CYP4F22: variants seen among roughly 807,000 people sequenced by gnomAD.
The protein encoded by CYP4F22 is ultra-long-chain fatty acid omega-hydroxylase.
In CYP4F22, 37 loss-of-function variants were observed where a neutral mutation model predicts 60.4. The ratio of observed to expected loss-of-function variants is 0.61; its 90% CI spans 0.47 to 0.81. The LOEUF (loss-of-function observed/expected upper bound fraction) is 0.81, where lower values mean the gene tolerates loss of function less well. Ranked by LOEUF, CYP4F22 falls within the 30% of genes least tolerant of loss-of-function variation. The probability of loss-of-function intolerance (pLI) is 0.00; values close to 1 mark genes in which losing one functional copy is unlikely to be tolerated. For missense variants in CYP4F22, 655 were observed against 715.0 expected (o/e 0.92, Z 0.96); for synonymous variants, 258 against 280.5 (o/e 0.92, Z 0.80).
At chr19:15,538,179 G>T (rs1366418504) in intron 7 of CYP4F22, among the ~76,000 whole-genome samples, 186 bp downstream of exon 7, 2 of 152,034 alleles carry the variant, frequency 1.3e-5, no homozygotes, top group South Asian at 4.2e-4. Flanking sequence ...CAAAAAAATG[G>T]GCATCATAAT....
At chr19:15,542,452 G>A (rs909848467) in intron 8 of CYP4F22, among the ~76,000 whole-genome samples, 3 of 152,046 alleles carry the variant, frequency 2.0e-5, no homozygotes, top group Non-Finnish European at 4.4e-5. Context: ...CAGGAGAATC[G>A]CTTGAACCCT....
intron 11 of CYP4F22, among the ~76,000 whole-genome samples, chr19:15,548,487 G>T (rs1971559054): frequency 6.6e-6 from 1 of 152,178 alleles, no homozygotes; most frequent in Non-Finnish European, 1.5e-5. Context: ...TGAGGGTGCA[G>T]TTGGGGAGGG....
rs376621673 is a variant in CYP4F22, at chr19:15,529,197, C to T, written c.223-512C>T. ...AGGCTGGAGTGCAATGGCATGATCT[C>T]GGCTCACTGCAACCTCTGCCTCCTG... On this transcript the variant is annotated intron_variant, in intron 3 of 13. Coordinates refer to ENST00000269703, the MANE Select transcript of CYP4F22 (RefSeq NM_173483.4). Among the ~76,000 whole-genome samples, 106 of 151,432 alleles carry T rather than the reference C, an allele frequency of 7.0e-4. 1 individual carries two copies. The South Asian group carries it at 0.019, about 28-fold the overall frequency.
chr19:15,544,325 G>A lies in CYP4F22; in HGVS notation c.1136+46G>A, dbSNP rs369162487. 2.5e-5 allele frequency: 40 copies of A among 1,592,206 alleles called. No individual in the cohort carries two copies. The African/African-American group carries it at 4.8e-4, about 19-fold the overall frequency. ...ATGGAGGGGGCAGGTTGAGGCCAGA[G>A]CCTTGGGTGTAAGCCTCTGCTCTCC... On this transcript the variant is annotated intron_variant, in intron 10 of 13. Coordinates refer to ENST00000269703, the MANE Select transcript of CYP4F22 (RefSeq NM_173483.4).
At chr19:15,524,429 C>A (rs1271222866) in intron 2 of CYP4F22, among the ~76,000 whole-genome samples, 1 of 152,056 alleles carries the variant, frequency 6.6e-6, no homozygotes, top group Non-Finnish European at 1.5e-5. Context: ...GCGGGAGGAT[C>A]GCTTGAGCCC....
chr19:15,546,002 T>G (rs1341816892), intron 10 of CYP4F22, among the ~76,000 whole-genome samples: 1 of 151,398 alleles, frequency 6.6e-6, no homozygotes, highest in Non-Finnish European at 1.5e-5. Context: ...ATGAAGTTTA[T>G]TTTTTTTTAA....
At chr19:15,533,570 G>A (rs1308271406) in intron 4 of CYP4F22, among the ~76,000 whole-genome samples, 7 of 142,670 alleles carry the variant, frequency 4.9e-5, no homozygotes, top group Non-Finnish European at 9.2e-5. Flanking sequence ...CATTCACGTT[G>A]TAGTAGGAAT....
In CYP4F22 at chr19:15,540,441, C is replaced by G; in HGVS notation, c.672-9C>G. The G allele has an allele frequency of 6.2e-7, 1 of 1,614,148 alleles. No homozygotes were observed. The highest frequency in any genetic ancestry group is 2.2e-5 in the East Asian group (1 of 44,890). ...GGGCTACACTCATGGATCCCCTTCTCCTTGGCAGGAAGATGAGTGATTATA... is the reference window on the plus strand; with the variant it reads ...GGGCTACACTCATGGATCCCCTTCTGCTTGGCAGGAAGATGAGTGATTATA... On this transcript the variant is annotated splice_polypyrimidine_tract_variant and intron_variant, in intron 7 of 13. Coordinates refer to ENST00000269703, the MANE Select transcript of CYP4F22 (RefSeq NM_173483.4).
chr19:15,509,885 C>CT (rs1210119534), intron 1 of CYP4F22, among the ~76,000 whole-genome samples: 85 of 114,712 alleles, frequency 7.4e-4, no homozygotes, highest in East Asian at 2.7e-3. Flanking sequence ...TCCTTCCTTC[C>CT]TTCCTTCCTT....
intron 4 of CYP4F22, among the ~76,000 whole-genome samples, chr19:15,533,428 C>T (rs560764634): frequency 2.6e-5 from 4 of 152,188 alleles, no homozygotes; most frequent in South Asian, 2.1e-4. Flanking sequence ...TCCTCCCATC[C>T]GCTGGTAACC....
chr19:15,538,025 C>T, intron 7 of CYP4F22, 32 bp downstream of exon 7: 2 of 1,613,630 alleles, frequency 1.2e-6, no homozygotes, highest in Non-Finnish European at 1.7e-6. Flanking sequence ...AAGATGGAGC[C>T]AGCTGCTCTA....
chr19:15,526,407 T>C (rs1450056284), intron 3 of CYP4F22, among the ~76,000 whole-genome samples: 1 of 152,230 alleles, frequency 6.6e-6, no homozygotes, highest in African/African-American at 2.4e-5. Flanking sequence ...TTGCCTAGGC[T>C]GATCTTGAAC....
At chr19:15,510,285 C>T (rs561859468) in intron 1 of CYP4F22, among the ~76,000 whole-genome samples, 77 of 152,226 alleles carry the variant, frequency 5.1e-4, no homozygotes, top group African/African-American at 1.8e-3. Context: ...CCTGACTCAT[C>T]TCTCCTTGTT....
intron 7 of CYP4F22, among the ~76,000 whole-genome samples, chr19:15,538,724 T>A (rs747122840): frequency 1.4e-4 from 22 of 152,200 alleles, no homozygotes; most frequent in Admixed American, 9.8e-4. Context: ...TAGGGGCACG[T>A]TCCAGTTGGA....
In CYP4F22 at chr19:15,549,125, TC is replaced by T; in HGVS notation, c.1271-12del. Reference sequence around the variant, plus strand: ...GCTCCCCTTGGCCCCACTGATCCCATCTTTCCCCACAGGAATCATCTGCTTG... The same window carrying T: ...GCTCCCCTTGGCCCCACTGATCCCATTTTCCCCACAGGAATCATCTGCTTG... On this transcript the variant is annotated splice_polypyrimidine_tract_variant and intron_variant, in intron 11 of 13. Coordinates refer to ENST00000269703, the MANE Select transcript of CYP4F22 (RefSeq NM_173483.4). The T allele has an allele frequency of 6.2e-7, 1 of 1,613,944 alleles. No homozygotes were observed. The highest frequency in any genetic ancestry group is 8.5e-7 in the Non-Finnish European group (1 of 1,179,966).
At chr19:15,535,733 T>A (rs1222569804) in intron 4 of CYP4F22, among the ~76,000 whole-genome samples, 1 of 152,190 alleles carries the variant, frequency 6.6e-6, no homozygotes. Flanking sequence ...TATTTATCCA[T>A]CCATGTACTC....
chr19:15,537,878 T>G lies in CYP4F22; in HGVS notation c.556T>G (p.Trp186Gly), dbSNP rs1200443014. ...CCATGTATCTCTCTTCCAGGCTAAA[T>G]GGCGGCATCTGGCAGAGGGCTCAGC... Reference protein sequence around the residue: ...NQSADIMHAKWRHLAEGSAVS... With the variant: ...NQSADIMHAKGRHLAEGSAVS... Residue 186 changes from tryptophan to glycine, a missense_variant, in exon 7 of 14, where the codon TGG becomes GGG. Physicochemically the swap from Trp to Gly is radical, Grantham distance 184. This residue lies in a region of CYP4F22 where 430 missense variants were observed against 457.1 expected (regional missense o/e 0.94). Transcript: ENST00000269703. 3.1e-6 allele frequency: 5 copies of G among 1,613,788 alleles called. No homozygotes were observed. In the Admixed American group the frequency reaches 8.3e-5, roughly 27 times the overall value.
chr19:15,540,709 C>G lies in CYP4F22; in HGVS notation c.931C>G (p.Leu311Val). ...KTLDFIDVLL[L>V]ARDEDGKELS... ...CTTGGACTTTATTGATGTGCTGCTC[C>G]TGGCCAGGGTGAGGCTGGGCCCCCT... Residue 311 changes from leucine to valine, a missense_variant, in exon 8 of 14, where the codon CTG becomes GTG. Around this residue, in one of 3 missense-constraint regions of CYP4F22, gnomAD observed 430 missense variants for 457.1 expected, o/e 0.94. Transcript: ENST00000269703. The G allele has an allele frequency of 6.3e-7, 1 of 1,584,254 alleles. No homozygotes were observed. The highest frequency in any genetic ancestry group is 1.8e-4 in the Middle Eastern group (1 of 5,666).
chr19:15,547,018 G>GCTTTTTTT (rs1971533587), intron 10 of CYP4F22, among the ~76,000 whole-genome samples: 1 of 82,330 alleles, frequency 1.2e-5, no homozygotes, highest in Non-Finnish European at 2.1e-5. Flanking sequence ...GCCTGCACCA[G>GCTTTTTTT]TTTTTTTTTT....
Sources: allele counts gnomAD v4.1 joint callset (sites outside exome capture counted in the v4.1 genomes callset), GRCh38; gene constraint gnomAD v4.1.1; regional missense constraint gnomAD v4.1.1; transcripts MANE v1.5; gene names NCBI Gene and HGNC (gene_info 2026-07-23, HGNC 2026-07-21).